FER1L6: variants seen among roughly 807,000 people sequenced by gnomAD.
The protein encoded by FER1L6 is fer-1-like protein 6.
Under a neutral mutation model 219.2 loss-of-function variants are expected in FER1L6, and 177 were observed. The ratio of observed to expected loss-of-function variants is 0.81; its 90% CI spans 0.71 to 0.91. The LOEUF (loss-of-function observed/expected upper bound fraction) is 0.91. Ranked by LOEUF, FER1L6 falls within the 40% of genes least tolerant of loss-of-function variation. The probability of loss-of-function intolerance (pLI) is 0.00; values close to 1 mark genes in which losing one functional copy is unlikely to be tolerated. For missense variants in FER1L6, 2,153 were observed against 2,259.9 expected, an observed-to-expected ratio of 0.95 and a Z score of 0.96; for synonymous variants, 768 against 824.3, an observed-to-expected ratio of 0.93 and a Z score of 1.17.
intron 1 of FER1L6, among the ~76,000 whole-genome samples, chr8:123,921,667 C>A (rs904781008): frequency 3.3e-5 from 5 of 151,588 alleles, no homozygotes; most frequent in Non-Finnish European, 7.4e-5. Context: ...GGGGTAGTAG[C>A]CATCCTGATG....
At chr8:123,966,822 C>T (rs964292025) in intron 5 of FER1L6, among the ~76,000 whole-genome samples, 5 of 152,200 alleles carry the variant, frequency 3.3e-5, no homozygotes, top group African/African-American at 1.2e-4. Context: ...TAGCTCACGC[C>T]TGTAATCCCA....
rs574821262 is a variant in FER1L6 at position 124,119,435 on chromosome 8, A to G, written c.5391-172A>G. On this transcript the variant is annotated intron_variant, in intron 40 of 40. Transcript: ENST00000522917. ...CTTTAACCATGATACAGGAATCCTC[A>G]TCATATAAATGTCAGGCTGCTCCTG... is the stretch of plus-strand genomic sequence containing the variant. 2.0e-5 allele frequency among the ~76,000 whole-genome samples: 3 copies of G among 152,260 alleles called. No homozygotes were observed. In the East Asian group the frequency reaches 5.8e-4, roughly 29 times the overall value.
intron 11 of FER1L6, among the ~76,000 whole-genome samples, chr8:123,981,980 AGCTTTCCAATCTGT>A (rs1330688878): frequency 1.3e-5 from 2 of 152,162 alleles, no homozygotes; most frequent in East Asian, 3.9e-4. Flanking sequence ...AGCTATTCAG[AGCTTTCCAATCTGT>A]TTGTGACTTT....
At chr8:124,006,495 T>C (rs377552326) in intron 13 of FER1L6, among the ~76,000 whole-genome samples, 1 of 152,216 alleles carries the variant, frequency 6.6e-6, no homozygotes, top group African/African-American at 2.4e-5. Context: ...CCCCTATACA[T>C]GTGTGCACAT....
rs76661399 is a variant in FER1L6, at chr8:124,116,723, T to A, written c.5290-2121T>A. ...CGGTTAGCTCCTCTTAAGCTGACTC[T>A]ACTTCAAATTAGAAGAACTGGATGA... On this transcript the variant is annotated intron_variant, in intron 39 of 40. Coordinates refer to ENST00000522917, the MANE Select transcript of FER1L6 (RefSeq NM_001039112.2). Among the ~76,000 whole-genome samples the A allele has an allele frequency of 4.9e-3, 754 of 152,346 alleles. 7 individuals are homozygous for A. The highest frequency in any genetic ancestry group is 0.025 in the Admixed American group (388 of 15,290).
intron 1 of FER1L6, among the ~76,000 whole-genome samples, chr8:123,951,514 C>T (rs1326451462): frequency 6.6e-6 from 1 of 152,102 alleles, no homozygotes; most frequent in Non-Finnish European, 1.5e-5. Flanking sequence ...ATGAATATAT[C>T]CCAGTCTTAG....
intron 1 of FER1L6, among the ~76,000 whole-genome samples, chr8:123,900,430 AT>A (rs1812836618): frequency 6.6e-6 from 1 of 152,176 alleles, no homozygotes; most frequent in Admixed American, 6.6e-5. Flanking sequence ...TGACCATATC[AT>A]CAGCAAACAG....
At chr8:124,011,136 C>T (rs1817901505) in intron 14 of FER1L6, among the ~76,000 whole-genome samples, 1 of 152,166 alleles carries the variant, frequency 6.6e-6, no homozygotes, top group African/African-American at 2.4e-5. Context: ...CTAAGTTCTT[C>T]CTCCCTTACT....
intron 1 of FER1L6, among the ~76,000 whole-genome samples, chr8:123,935,451 A>G (rs1214795857): frequency 6.6e-6 from 1 of 152,230 alleles, no homozygotes; most frequent in African/African-American, 2.4e-5. Flanking sequence ...AAATGTTTAC[A>G]AAAATACGAA....
Position 124,068,605 on chromosome 8 carries a change from A to G in FER1L6, c.3719-755A>G, listed in dbSNP as rs115187014. Among the ~76,000 whole-genome samples the G allele has an allele frequency of 7.1e-3, 1,076 of 152,292 alleles. 13 individuals are homozygous for G. The highest frequency in any genetic ancestry group is 0.025 in the African/African-American group (1,030 of 41,558). Reference sequence around the variant, plus strand: ...CTCATATTGAACTAGATGTATCTCAATTCCCTTAATGGATCTGACAGAGTG... The same window carrying G: ...CTCATATTGAACTAGATGTATCTCAGTTCCCTTAATGGATCTGACAGAGTG... On this transcript the variant is annotated intron_variant, in intron 28 of 40. Transcript: ENST00000522917.
At position 124,094,915 on chromosome 8, in the gene FER1L6, T is replaced by A. The variant is rs368490040; in HGVS notation, c.4572T>A (p.Tyr1524Ter). 702 of 1,614,176 alleles carry A rather than the reference T, an allele frequency of 4.3e-4. 21 individuals carry two copies. The South Asian group carries it at 7.4e-3, about 17-fold the overall frequency. ...EEDTDETVES[Y>*]EHLALKVLHS... ...CTGCAGATGAGACAGTGGAGTCTTA[T>A]GAACACCTGGCCCTCAAGGTTTTAC... The change falls in exon 35 of 41, where the codon TAT becomes TAA. Residue 1524 changes from tyrosine to a stop codon, truncating the protein, a stop_gained. Transcript: ENST00000522917. LOFTEE classifies it high-confidence loss of function.
intron 9 of FER1L6, 69 bp downstream of exon 9, chr8:123,976,153 A>G: frequency 8.2e-7 from 1 of 1,219,120 alleles, no homozygotes; most frequent in Non-Finnish European, 1.1e-6. Flanking sequence ...GATATGTTTA[A>G]TCAAATCAAA....
intron 22 of FER1L6, among the ~76,000 whole-genome samples, chr8:124,056,998 C>T (rs541281613): frequency 1.7e-4 from 26 of 152,058 alleles, no homozygotes; most frequent in African/African-American, 4.3e-4. Context: ...GAGCAGGGAT[C>T]GCACCTCTGC....
intron 32 of FER1L6, among the ~76,000 whole-genome samples, chr8:124,077,692 G>A (rs776259986): frequency 1.2e-4 from 18 of 152,058 alleles, no homozygotes; most frequent in African/African-American, 3.4e-4. Context: ...TTTACTATCC[G>A]TGCTATATGG....
At chr8:124,009,705 A>T (rs552038753) in intron 13 of FER1L6, among the ~76,000 whole-genome samples, 1 of 152,242 alleles carries the variant, frequency 6.6e-6, no homozygotes, top group South Asian at 2.1e-4. Context: ...CGGGAGGTCC[A>T]GGAAGGAGCT....
In FER1L6 at chr8:124,119,948, T is replaced by A; in HGVS notation, c.*158T>A. On this transcript the variant is annotated 3_prime_UTR_variant, in exon 41 of 41. Coordinates refer to ENST00000522917, the MANE Select transcript of FER1L6 (RefSeq NM_001039112.2). ...TGGAAAAGAAACATTTCCTCCCTGC[T>A]CCAACCCCTGCCTCCAAGTTTCAAA... is the stretch of plus-strand genomic sequence containing the variant. 1.4e-6 allele frequency: 1 copy of A among 714,796 alleles called. No individual in the cohort carries two copies. The highest frequency in any genetic ancestry group is 2.1e-6 in the Non-Finnish European group (1 of 467,122). 44.3% of individuals were successfully genotyped at this position (714,796 alleles called of 1,614,324 possible). A position where few individuals can be genotyped will look rare whatever the true frequency, so the allele number is the denominator to read the frequency against.
At position 124,071,575 on chromosome 8, in the gene FER1L6, C is replaced by A; in HGVS notation, c.4036C>A (p.Gln1346Lys). Residue 1346 changes from glutamine (Q) to lysine (K), a missense_variant, in exon 31 of 41, where the codon CAA becomes AAA. Transcript: ENST00000522917. ...GGACAGCGGGCAGCTGAGAATCCAG[C>A]AAGGGATTCCGCCCAATCACCCTGT... The part of the protein sequence containing the change: ...SEDSGQLRIQ[Q>K]GIPPNHPVTV... The A allele has an allele frequency of 1.2e-6, 2 of 1,614,108 alleles. No individual in the cohort carries two copies. Among genetic ancestry groups the A allele is most frequent in the South Asian group, 1.1e-5 (1 of 91,076 alleles).
chr8:123,967,622 T>C (rs1815612629), intron 5 of FER1L6, among the ~76,000 whole-genome samples: 1 of 152,206 alleles, frequency 6.6e-6, no homozygotes, highest in Non-Finnish European at 1.5e-5. Flanking sequence ...GTAGGCTCTT[T>C]GACACAATGA....
chr8:124,064,151 A>T (rs1197034440), intron 25 of FER1L6, among the ~76,000 whole-genome samples, 196 bp from the exon 26 acceptor site: 2 of 152,242 alleles, frequency 1.3e-5, no homozygotes, highest in Admixed American at 1.3e-4. Context: ...CAGATGCCTT[A>T]CATCGTGGTC....
Sources: gnomAD v4.1 joint callset for allele counts (sites outside exome capture counted in the v4.1 genomes callset) on GRCh38, gnomAD v4.1.1 for gene constraint, MANE v1.5 for transcripts, NCBI Gene and HGNC (gene_info 2026-07-23, HGNC 2026-07-21) for gene names.